KCNH8: variants seen among roughly 807,000 people sequenced by gnomAD.
The protein encoded by KCNH8 is voltage-gated delayed rectifier potassium channel KCNH8.
In KCNH8, 70 loss-of-function variants were observed where a neutral mutation model predicts 103.6. The ratio of observed to expected loss-of-function variants is 0.68; its 90% confidence interval spans 0.56 to 0.82. KCNH8 has a LOEUF of 0.82. Among genes scored for constraint, KCNH8 ranks in the 40% least tolerant of loss-of-function variants. The pLI, the probability that KCNH8 is intolerant of heterozygous loss-of-function variation, is 0.00. For synonymous variants in KCNH8, 498 were observed against 489.4 expected (o/e 1.02, Z -0.23); for missense variants, 1,217 against 1,329.9 (o/e 0.92, Z 1.32).
Position 19,170,807 on chromosome 3 carries a change from TATA to T in KCNH8, c.76+22013_76+22015del, listed in dbSNP as rs1410550183. ...ACACACACATATATATATATATATA[TATA>T]TTTTTTTTTTTTTTTTTGAGACGAA... is the stretch of plus-strand genomic sequence containing the variant. On this transcript the variant is annotated intron_variant, in intron 1 of 15. Transcript: ENST00000328405. Among the ~76,000 whole-genome samples the T allele has an allele frequency of 4.0e-3, 407 of 102,230 alleles. 7 individuals are homozygous for T. Among genetic ancestry groups the T allele is most frequent in the South Asian group, 0.023 (78 of 3,386 alleles). The allele number at this position is 102,230 out of a possible 152,430, so 67.1% of individuals were successfully genotyped here.
At chr3:19,404,584 T>C (rs1424920260) in intron 7 of KCNH8, among the ~76,000 whole-genome samples, 1 of 151,898 alleles carries the variant, frequency 6.6e-6, no homozygotes, top group Non-Finnish European at 1.5e-5. Flanking sequence ...GCTCTGGGAG[T>C]GTCATGGACT....
chr3:19,402,686 A>G (rs1006414424), intron 7 of KCNH8, among the ~76,000 whole-genome samples: 3 of 151,880 alleles, frequency 2.0e-5, no homozygotes, highest in African/African-American at 7.2e-5. Flanking sequence ...TGTAGAGAGG[A>G]CATGCACAAT....
intron 7 of KCNH8, among the ~76,000 whole-genome samples, chr3:19,397,523 GTGTATATATACACACATATATATATA>G (rs2066539167): frequency 6.7e-6 from 1 of 148,844 alleles, no homozygotes; most frequent in Non-Finnish European, 1.5e-5. Flanking sequence ...ATATATACGT[GTGTATATATACACACATATATATATA>G]TGTGTGTATA....
chr3:19,163,357 C>G (rs1170622376), intron 1 of KCNH8, among the ~76,000 whole-genome samples: 1 of 150,472 alleles, frequency 6.6e-6, no homozygotes, highest in African/African-American at 2.4e-5. Context: ...ATAGGTTTAT[C>G]AATATAATAA....
chr3:19,203,974 A>G (rs970069230), intron 1 of KCNH8, among the ~76,000 whole-genome samples: 1 of 152,124 alleles, frequency 6.6e-6, no homozygotes, highest in Non-Finnish European at 1.5e-5. Context: ...TTTTAGAAAG[A>G]ATTTCATTTT....
intron 1 of KCNH8, among the ~76,000 whole-genome samples, chr3:19,167,389 AT>A (rs753741929): frequency 3.3e-5 from 5 of 152,220 alleles, no homozygotes; most frequent in African/African-American, 1.2e-4. Flanking sequence ...CATTTGTAAG[AT>A]TTCCCCCATT....
chr3:19,319,665 A>G (rs1399792346), intron 3 of KCNH8, among the ~76,000 whole-genome samples: 1 of 151,970 alleles, frequency 6.6e-6, no homozygotes, highest in Non-Finnish European at 1.5e-5. Context: ...ACTTGGTTCC[A>G]TATCAATTTC....
intron 5 of KCNH8, among the ~76,000 whole-genome samples, chr3:19,374,922 T>G (rs2066167304): frequency 6.6e-6 from 1 of 152,162 alleles, no homozygotes; most frequent in African/African-American, 2.4e-5. Context: ...TTAAGAATGT[T>G]GAATATTGGC....
intron 8 of KCNH8, among the ~76,000 whole-genome samples, chr3:19,443,480 G>A (rs991844044): frequency 6.6e-6 from 1 of 150,860 alleles, no homozygotes. Flanking sequence ...TATATATAAA[G>A]TTTTCATTTA....
chr3:19,466,726 C>G (rs765440035), intron 11 of KCNH8, among the ~76,000 whole-genome samples: 1 of 127,958 alleles, frequency 7.8e-6, no homozygotes, highest in Non-Finnish European at 1.6e-5. Flanking sequence ...TGCAATGACA[C>G]GATCTCAGCT....
At chr3:19,423,319 A>T (rs572649784) in intron 7 of KCNH8, among the ~76,000 whole-genome samples, 1 of 151,566 alleles carries the variant, frequency 6.6e-6, no homozygotes, top group Non-Finnish European at 1.5e-5. Flanking sequence ...TCTGGGGGAA[A>T]GTTGAATTTT....
chr3:19,364,470 G>A (rs1264740422), intron 5 of KCNH8, among the ~76,000 whole-genome samples: 2 of 152,110 alleles, frequency 1.3e-5, no homozygotes, highest in African/African-American at 2.4e-5. Flanking sequence ...TAAATGGAAT[G>A]TATTATATTG....
chr3:19,485,168 T>A (rs1340114609), intron 11 of KCNH8, among the ~76,000 whole-genome samples: 3 of 152,156 alleles, frequency 2.0e-5, no homozygotes. Flanking sequence ...CTGAGCCGAT[T>A]CGTAAGGGCA....
intron 3 of KCNH8, among the ~76,000 whole-genome samples, chr3:19,314,485 A>C (rs7433802): frequency 6.6e-6 from 1 of 151,692 alleles, no homozygotes; most frequent in Non-Finnish European, 1.5e-5. Flanking sequence ...CAGTAGGATC[A>C]CTTGAGCCCA....
chr3:19,509,161 C>T (rs1459649443), intron 11 of KCNH8, among the ~76,000 whole-genome samples: 3 of 152,146 alleles, frequency 2.0e-5, no homozygotes, highest in African/African-American at 7.2e-5. Flanking sequence ...CTGGTTAAGG[C>T]ATATTAAGGC....
intron 5 of KCNH8, among the ~76,000 whole-genome samples, chr3:19,385,617 T>C (rs943291247): frequency 1.8e-4 from 28 of 152,156 alleles, no homozygotes; most frequent in Non-Finnish European, 1.5e-4. Context: ...TAAGCAAGGG[T>C]CAAGTGATAT....
chr3:19,315,203 C>T (rs971301190), intron 3 of KCNH8, among the ~76,000 whole-genome samples: 1 of 151,842 alleles, frequency 6.6e-6, no homozygotes, highest in South Asian at 2.1e-4. Flanking sequence ...AGTGTCAGTG[C>T]CAGAACTGGT....
At chr3:19,506,028 T>C (rs1440668160) in intron 11 of KCNH8, among the ~76,000 whole-genome samples, 5 of 152,234 alleles carry the variant, frequency 3.3e-5, no homozygotes, top group African/African-American at 9.6e-5. Context: ...TGTTTTATAA[T>C]GGCTATTTCA....
chr3:19,372,560 AG>A (rs1402334043), intron 5 of KCNH8, among the ~76,000 whole-genome samples: 1 of 152,152 alleles, frequency 6.6e-6, no homozygotes, highest in Non-Finnish European at 1.5e-5. Flanking sequence ...TCTGCAAACA[AG>A]GACAATTTGA....
Sources: gnomAD v4.1 joint callset for allele counts (sites outside exome capture counted in the v4.1 genomes callset) on GRCh38, gnomAD v4.1.1 for gene constraint, MANE v1.5 for transcripts, NCBI Gene and HGNC (gene_info 2026-07-23, HGNC 2026-07-21) for gene names.